Variants in GRB2 observed in about 807,000 individuals in gnomAD.
GRB2 encodes growth factor receptor bound protein 2.
Under a neutral mutation model 27.4 loss-of-function variants are expected in GRB2, and 2 were observed. The observed-to-expected ratio is 0.07, with a 90% CI of 0.03 to 0.23. GRB2 has a LOEUF of 0.23. Among genes scored for constraint, GRB2 ranks in the 10% least tolerant of loss-of-function variants. GRB2 has a pLI of 1.00. For synonymous variants in GRB2, 94 were observed against 99.6 expected (o/e 0.94, Z 0.33); for missense variants, 102 against 282.4 (o/e 0.36, Z 4.58).
chr17:75,385,029 C>CAAAAAAAAAAAAAAAAAAA (rs58860615), intron 2 of GRB2, among the ~76,000 whole-genome samples: 2 of 55,316 alleles, frequency 3.6e-5, no homozygotes, highest in African/African-American at 9.4e-5. Context: ...CTGGCTCTAC[C>CAAAAAAAAAAAAAAAAAAA]AAAAAAAAAA....
At chr17:75,358,646 C>T (rs185720212) in intron 2 of GRB2, among the ~76,000 whole-genome samples, 250 of 140,482 alleles carry the variant, frequency 1.8e-3, no homozygotes, top group African/African-American at 5.4e-3. Flanking sequence ...AGGCGGATCA[C>T]GAGGTCAGGA....
chr17:75,404,940 T>C (rs1016490074), intron 1 of GRB2: 1 of 147,312 alleles, frequency 6.8e-6, no homozygotes, highest in African/African-American at 2.4e-5. Context: ...GAATTTTTCT[T>C]GACAAATATT....
chr17:75,329,354 C>T (rs1041807470), intron 3 of GRB2, among the ~76,000 whole-genome samples: 1 of 152,068 alleles, frequency 6.6e-6, no homozygotes, highest in Admixed American at 6.6e-5. Flanking sequence ...CCTCAAACTC[C>T]CCAGAGGCAG....
At chr17:75,388,295 G>T (rs1168591772) in intron 2 of GRB2, among the ~76,000 whole-genome samples, 2 of 151,900 alleles carry the variant, frequency 1.3e-5, no homozygotes, top group African/African-American at 2.4e-5. Context: ...TAGAGATGGG[G>T]TTTCACCATG....
chr17:75,355,638 A>C (rs1409982573), intron 2 of GRB2, among the ~76,000 whole-genome samples: 1 of 150,864 alleles, frequency 6.6e-6, no homozygotes, highest in Non-Finnish European at 1.5e-5. Flanking sequence ...AAAAAATCTC[A>C]TAATGTTTTA....
intron 2 of GRB2, among the ~76,000 whole-genome samples, chr17:75,343,684 C>CG (rs201706757): frequency 4.8e-5 from 4 of 83,936 alleles, no homozygotes; most frequent in Non-Finnish European, 3.6e-5. Context: ...AATGCATAGA[C>CG]AAACCCCAAA....
intron 2 of GRB2, among the ~76,000 whole-genome samples, chr17:75,341,465 A>AAC (rs2078620975): frequency 1.3e-5 from 2 of 150,536 alleles, no homozygotes; most frequent in African/African-American, 4.9e-5. Flanking sequence ...AAAAAAAAAA[A>AAC]AAAACACAAA....
intron 2 of GRB2, among the ~76,000 whole-genome samples, chr17:75,383,412 C>T (rs1472460693): frequency 2.0e-5 from 3 of 152,268 alleles, no homozygotes; most frequent in East Asian, 1.9e-4. Flanking sequence ...CACTTTTATG[C>T]GTAGAGTCAT....
intron 2 of GRB2, among the ~76,000 whole-genome samples, chr17:75,344,875 A>C (rs894681786): frequency 7.2e-6 from 1 of 139,500 alleles, no homozygotes; most frequent in African/African-American, 2.6e-5. Context: ...CTGGGGGAGC[A>C]GCTGTTACTC....
intron 2 of GRB2, among the ~76,000 whole-genome samples, chr17:75,374,225 G>C (rs1285504300): frequency 6.6e-6 from 1 of 151,374 alleles, no homozygotes; most frequent in Non-Finnish European, 1.5e-5. Context: ...GGCCATTATG[G>C]TTAAACCGTC....
At chr17:75,330,432 G>T (rs1408803431) in intron 3 of GRB2, among the ~76,000 whole-genome samples, 1 of 151,730 alleles carries the variant, frequency 6.6e-6, no homozygotes, top group Non-Finnish European at 1.5e-5. Context: ...AGGGTGCGGT[G>T]GCTTACACCT....
At chr17:75,391,214 A>G (rs1429996994) in intron 2 of GRB2, among the ~76,000 whole-genome samples, 1 of 152,172 alleles carries the variant, frequency 6.6e-6, no homozygotes, top group African/African-American at 2.4e-5. Flanking sequence ...CAATAATGGC[A>G]TTATGACTTC....
intron 1 of GRB2, among the ~76,000 whole-genome samples, chr17:75,400,094 C>G (rs777094257): frequency 2.0e-5 from 3 of 151,324 alleles, no homozygotes; most frequent in Middle Eastern, 3.2e-3. Context: ...ACCTCCCAGG[C>G]TCAGGCCATC....
At chr17:75,334,238 T>C (rs1305178994) in intron 2 of GRB2, among the ~76,000 whole-genome samples, 2 of 152,120 alleles carry the variant, frequency 1.3e-5, no homozygotes, top group African/African-American at 2.4e-5. Flanking sequence ...TGGCGCGATC[T>C]CGGCTCACTG....
chr17:75,388,928 A>G (rs1205618179), intron 2 of GRB2, among the ~76,000 whole-genome samples: 1 of 152,184 alleles, frequency 6.6e-6, no homozygotes, highest in Non-Finnish European at 1.5e-5. Flanking sequence ...CCTATCTGAC[A>G]GGCAGAAATC....
intron 2 of GRB2, among the ~76,000 whole-genome samples, chr17:75,380,203 TGTGCACA>T (rs2078919161): frequency 6.6e-6 from 1 of 152,164 alleles, no homozygotes; most frequent in Non-Finnish European, 1.5e-5. Flanking sequence ...TCCATGAAGC[TGTGCACA>T]GTGATTTTTT....
intron 2 of GRB2, among the ~76,000 whole-genome samples, chr17:75,362,429 G>A (rs1483186653): frequency 6.6e-6 from 1 of 152,158 alleles, no homozygotes; most frequent in Non-Finnish European, 1.5e-5. Context: ...GAAAAATCAA[G>A]ACCTAGCTCA....
At chr17:75,379,898 A>T (rs1484543951) in intron 2 of GRB2, among the ~76,000 whole-genome samples, 1 of 152,262 alleles carries the variant, frequency 6.6e-6, no homozygotes, top group African/African-American at 2.4e-5. Context: ...TTGTCTCATT[A>T]GTAATTTTAA....
At chr17:75,328,018 T>C (rs971441934) in intron 3 of GRB2, among the ~76,000 whole-genome samples, 1 of 152,128 alleles carries the variant, frequency 6.6e-6, no homozygotes, top group Non-Finnish European at 1.5e-5. Flanking sequence ...TAGAATAGAA[T>C]GCTCTCTAAA....
Sources: gnomAD v4.1 joint callset for allele counts (sites outside exome capture counted in the v4.1 genomes callset) on GRCh38, gnomAD v4.1.1 for gene constraint, MANE v1.5 for transcripts, NCBI Gene and HGNC (gene_info 2026-07-23, HGNC 2026-07-21) for gene names.